The following FAM91A1 variants were observed in gnomAD, a reference collection of about 807,000 sequenced individuals.
The protein encoded by FAM91A1 is family with sequence similarity 91 member A1, also known as protein FAM91A1.
FAM91A1 carries 41 observed loss-of-function variants against 113.5 expected under a neutral mutation model. The ratio of observed to expected loss-of-function variants is 0.36; its 90% CI spans 0.28 to 0.47. The LOEUF (loss-of-function observed/expected upper bound fraction) is 0.47. Among genes scored for constraint, FAM91A1 ranks in the 20% least tolerant of loss-of-function variants. The pLI is 1.00. For missense variants in FAM91A1, 696 were observed against 1,001.2 expected (o/e 0.70, Z 4.11); for synonymous variants, 307 against 347.9 (o/e 0.88, Z 1.31).
chr8:123,790,719 C>T (rs1456822947), intron 15 of FAM91A1, among the ~76,000 whole-genome samples: 1 of 152,176 alleles, frequency 6.6e-6, no homozygotes, highest in Non-Finnish European at 1.5e-5. Flanking sequence ...TGAGAACAAA[C>T]ATGCTGGGTA....
At position 123,805,357 on chromosome 8, in the gene FAM91A1, T is replaced by C; in HGVS notation, c.1882+18T>C. 1.3e-6 allele frequency: 2 copies of C among 1,569,874 alleles called. No homozygotes were observed. Among genetic ancestry groups the C allele is most frequent in the Non-Finnish European group, 1.7e-6 (2 of 1,157,214 alleles). ...ACAAGGAGGTACCTTTTGAATTGTA[T>C]CTATTGACTTTTTTTTTTTTTTAAT... On this transcript the variant is annotated intron_variant, in intron 19 of 23. Coordinates refer to ENST00000334705, the MANE Select transcript of FAM91A1 (RefSeq NM_144963.4).
At chr8:123,793,852 CT>C (rs1221051637) in intron 15 of FAM91A1, among the ~76,000 whole-genome samples, 3 of 152,126 alleles carry the variant, frequency 2.0e-5, no homozygotes, top group Admixed American at 6.5e-5. Flanking sequence ...ATATAGCTAC[CT>C]TGCTCTTCTG....
At chr8:123,807,480 C>CAAAAAAAAAAAAA (rs546080328) in intron 20 of FAM91A1, among the ~76,000 whole-genome samples, 25 of 58,874 alleles carry the variant, frequency 4.2e-4, no homozygotes, top group East Asian at 1.0e-3. Flanking sequence ...CCTGTCTCTA[C>CAAAAAAAAAAAAA]AAAAAAAAAA....
At chr8:123,780,936 C>G (rs1420494172) in intron 8 of FAM91A1, among the ~76,000 whole-genome samples, 1 of 152,032 alleles carries the variant, frequency 6.6e-6, no homozygotes, top group Non-Finnish European at 1.5e-5. Context: ...GTCTTTTTGT[C>G]TATTTCCTTT....
chr8:123,777,757 G>A (rs892411771), intron 4 of FAM91A1, among the ~76,000 whole-genome samples: 15 of 152,104 alleles, frequency 9.9e-5, no homozygotes, highest in Non-Finnish European at 2.1e-4. Context: ...AGAAGCTTTC[G>A]CTGAGAATTA....
Position 123,780,366 on chromosome 8 carries a change from C to T in FAM91A1, c.641-114C>T, listed in dbSNP as rs866133129. ...TTCTCTTCTATTTTACTTTTTCTTT[C>T]GTCACATAGCATTCATTTGTAAGAA... On this transcript the variant is annotated intron_variant, in intron 7 of 23. Transcript: ENST00000334705. 20 of 829,264 alleles carry T rather than the reference C, an allele frequency of 2.4e-5. No homozygotes were observed. The Middle Eastern group carries it at 6.7e-4, about 28-fold the overall frequency. The allele number at this position is 829,264 out of a possible 1,614,324, so 51.4% of individuals were successfully genotyped here.
At position 123,785,626 on chromosome 8, in the gene FAM91A1, C is replaced by T; in HGVS notation, c.850-3C>T. The stretch of plus-strand genomic sequence containing the variant: ...TAATTAGTTTCCTTTATATTCCTTT[C>T]AGAATGCTGTTTCAATGTATTGCCG... On this transcript the variant is annotated splice_polypyrimidine_tract_variant and splice_region_variant and intron_variant, in intron 10 of 23. Transcript: ENST00000334705. 1 of 1,586,060 alleles carries T rather than the reference C, an allele frequency of 6.3e-7. No individual in the cohort carries two copies. The highest frequency in any genetic ancestry group is 1.8e-5 in the Admixed American group (1 of 55,690).
intron 15 of FAM91A1, among the ~76,000 whole-genome samples, chr8:123,790,427 AGT>A (rs1815357006): frequency 6.6e-6 from 1 of 152,202 alleles, no homozygotes; most frequent in African/African-American, 2.4e-5. Flanking sequence ...AGATGATTCC[AGT>A]GCTCAGCTAG....
chr8:123,800,558 T>C (rs1815648587), intron 18 of FAM91A1, among the ~76,000 whole-genome samples: 1 of 152,148 alleles, frequency 6.6e-6, no homozygotes. Flanking sequence ...TGCAGTTAAG[T>C]GGGTTTTAGT....
At chr8:123,784,789 A>G (rs1815212279) in intron 9 of FAM91A1, 1 of 426,130 alleles carries the variant, frequency 2.3e-6, no homozygotes, top group African/African-American at 2.1e-5. Flanking sequence ...TTTTTATATG[A>G]CTTTTTGTAC....
intron 6 of FAM91A1, 76 bp downstream of exon 6, chr8:123,778,848 T>A: frequency 2.0e-6 from 2 of 999,700 alleles, no homozygotes; most frequent in Admixed American, 3.6e-5. Context: ...TAGCTTATAA[T>A]TTTTTAAAAA....
Position 123,769,685 on chromosome 8 carries a change from C to A in FAM91A1, c.72+911C>A, listed in dbSNP as rs28581355. On this transcript the variant is annotated intron_variant, in intron 1 of 23. Transcript: ENST00000334705. ...GCAACAGTCAACAAGACAAAGACTG[C>A]CTTCATGGAGCTTACATTTTACTAA... Among the ~76,000 whole-genome samples, 963 of 152,160 alleles carry A rather than the reference C, an allele frequency of 6.3e-3. 18 individuals are homozygous for A. The highest frequency in any genetic ancestry group is 0.022 in the African/African-American group (914 of 41,452).
intron 20 of FAM91A1, among the ~76,000 whole-genome samples, 152 bp from the exon 21 acceptor site, chr8:123,808,118 CCT>C (rs1815856347): frequency 6.6e-6 from 1 of 152,140 alleles, no homozygotes; most frequent in African/African-American, 2.4e-5. Context: ...AAATTGCTCC[CCT>C]GTTTAAAACC....
chr8:123,813,028 A>G lies in FAM91A1; in HGVS notation c.*324A>G, dbSNP rs1405244025. On this transcript the variant is annotated 3_prime_UTR_variant, in exon 24 of 24. Transcript: ENST00000334705. ...CAGTCACTATGAAAATTGCAATGGT[A>G]ATTTTATATGTTAGTTTATCAAACA... 5.4e-6 allele frequency: 1 copy of G among 184,860 alleles called. No individual in the cohort carries two copies. The highest frequency in any genetic ancestry group is 2.3e-5 in the African/African-American group (1 of 42,804). The allele number at this position is 184,860 out of a possible 1,614,324, so 11.5% of individuals were successfully genotyped here.
intron 22 of FAM91A1, 62 bp from the exon 23 acceptor site, chr8:123,810,220 T>C (rs1052152392): frequency 1.9e-5 from 29 of 1,511,008 alleles, no homozygotes; most frequent in Non-Finnish European, 2.5e-5. Context: ...TAAACTCTTA[T>C]GAGAAACTCA....
intron 4 of FAM91A1, 135 bp downstream of exon 4, chr8:123,777,457 G>A (rs1815013715): frequency 1.3e-6 from 1 of 747,058 alleles, no homozygotes; most frequent in African/African-American, 1.8e-5. Flanking sequence ...CATTATCAGT[G>A]AGAATTTTAT....
chr8:123,789,566 C>CAT, intron 14 of FAM91A1, 47 bp from the exon 15 acceptor site: 1 of 1,609,922 alleles, frequency 6.2e-7, no homozygotes, highest in Non-Finnish European at 8.5e-7. Context: ...GAGTGAATGG[C>CAT]ATAAAAGTGG....
At chr8:123,805,189 C>G (rs1208022973) in intron 18 of FAM91A1, 78 bp from the exon 19 acceptor site, 1 of 1,144,560 alleles carries the variant, frequency 8.7e-7, no homozygotes, top group Non-Finnish European at 1.3e-6. Context: ...TTACATGACA[C>G]AATCTTATTT....
rs768102914 is a variant in FAM91A1 at position 123,775,135 on chromosome 8, T to C, written c.158-12T>C. 4 of 1,560,058 alleles carry C rather than the reference T, an allele frequency of 2.6e-6. No homozygotes were observed. The South Asian group carries it at 4.8e-5, about 19-fold the overall frequency. On this transcript the variant is annotated splice_polypyrimidine_tract_variant and intron_variant, in intron 2 of 23. Coordinates refer to ENST00000334705, the MANE Select transcript of FAM91A1 (RefSeq NM_144963.4). Reference sequence around the variant, plus strand: ...CCTGAAAAAAACTGGAGAATTTCCCTCTTTTGTGCAGTTAAACATGTCAAG... The same window carrying C: ...CCTGAAAAAAACTGGAGAATTTCCCCCTTTTGTGCAGTTAAACATGTCAAG...
Sources: allele counts gnomAD v4.1 joint callset (sites outside exome capture counted in the v4.1 genomes callset), GRCh38; gene constraint gnomAD v4.1.1; transcripts MANE v1.5; gene names NCBI Gene and HGNC (gene_info 2026-07-23, HGNC 2026-07-21).